The following SNX16 variants were observed in gnomAD, a reference collection of about 807,000 sequenced individuals.
SNX16 encodes sorting nexin 16.
Under a neutral mutation model 36.7 loss-of-function variants are expected in SNX16, and 35 were observed. The observed-to-expected ratio is 0.95, with a 90% CI of 0.73 to 1.27. The LOEUF (loss-of-function observed/expected upper bound fraction) is 1.27. SNX16 is among the 50% of genes most tolerant of loss of function. SNX16 has a pLI of 0.00. For synonymous variants in SNX16, 134 were observed against 132.0 expected (o/e 1.02, Z -0.10); for missense variants, 367 against 393.6 (o/e 0.93, Z 0.57).
chr8:81,822,955 T>TAG (rs1286474808), intron 4 of SNX16, among the ~76,000 whole-genome samples: 14 of 74,964 alleles, frequency 1.9e-4, no homozygotes, highest in African/African-American at 7.6e-4. Context: ...TACATATATA[T>TAG]ATATATATAT....
At chr8:81,805,461 GA>G (rs1403911554) in intron 5 of SNX16, among the ~76,000 whole-genome samples, 4 of 152,050 alleles carry the variant, frequency 2.6e-5, no homozygotes, top group African/African-American at 9.7e-5. Context: ...TAAGAGACAG[GA>G]AAAGAATTTA....
chr8:81,828,514 C>T (rs1811108992), intron 3 of SNX16, among the ~76,000 whole-genome samples: 1 of 152,086 alleles, frequency 6.6e-6, no homozygotes. Flanking sequence ...TCTTAATACA[C>T]TGAGGTTTAT....
Position 81,823,848 on chromosome 8 carries a change from T to C in SNX16, c.555A>G (p.Gln185=). Residue 185 remains glutamine, a synonymous_variant, in exon 4 of 8, where the codon CAA becomes CAG. Transcript: ENST00000345957. ...NYNADFLEDR[Q]LGLQAFLQNL... ...TTTGAAGAAACGCTTGTAATCCTAATTGTCTGTCTTCTAAAAAGTCAGCAT... is the reference window on the plus strand; with the variant it reads ...TTTGAAGAAACGCTTGTAATCCTAACTGTCTGTCTTCTAAAAAGTCAGCAT... The C allele has an allele frequency of 5.0e-6, 8 of 1,612,268 alleles. No homozygotes were observed. The highest frequency in any genetic ancestry group is 6.8e-6 in the Non-Finnish European group (8 of 1,179,056).
At chr8:81,831,288 G>C (rs1413084156) in intron 2 of SNX16, among the ~76,000 whole-genome samples, 1 of 152,114 alleles carries the variant, frequency 6.6e-6, no homozygotes, top group East Asian at 1.9e-4. Flanking sequence ...TAAAGTTTCT[G>C]CACAGCAAAA....
chr8:81,812,948 T>C (rs1810328235), intron 5 of SNX16, among the ~76,000 whole-genome samples: 1 of 151,800 alleles, frequency 6.6e-6, no homozygotes, highest in Non-Finnish European at 1.5e-5. Context: ...TAGCAGTCAC[T>C]GAAAAATAAG....
intron 5 of SNX16, among the ~76,000 whole-genome samples, chr8:81,806,688 C>T (rs989655862): frequency 1.3e-5 from 2 of 151,732 alleles, no homozygotes; most frequent in African/African-American, 2.4e-5. Flanking sequence ...CAAAATAATA[C>T]AGAAAAATGA....
rs374052860 is a variant in SNX16 at position 81,803,211 on chromosome 8, T to C, written c.699A>G (p.Leu233=). The C allele has an allele frequency of 1.1e-5, 18 of 1,603,254 alleles. No individual in the cohort carries two copies. The highest frequency in any genetic ancestry group is 1.5e-5 in the Non-Finnish European group (18 of 1,176,726). ...LEESRAFCET[L]EETNYRLQKE... Reference sequence around the variant, plus strand: ...TCTGTAAGCGGTAGTTTGTCTCTTCTAAAGTTTCACAGAATGCCTTAAAAA... The same window carrying C: ...TCTGTAAGCGGTAGTTTGTCTCTTCCAAAGTTTCACAGAATGCCTTAAAAA... The change falls in exon 6 of 8, where the codon TTA becomes TTG. Residue 233 remains leucine (L), a synonymous_variant. Transcript: ENST00000345957.
At position 81,802,401 on chromosome 8, in the gene SNX16, T is replaced by C. The variant is rs757259355; in HGVS notation, c.917A>G (p.Asp306Gly). The C allele has an allele frequency of 2.5e-6, 4 of 1,606,978 alleles. No individual in the cohort carries two copies. Among genetic ancestry groups the C allele is most frequent in the Non-Finnish European group, 3.4e-6 (4 of 1,176,666 alleles). The change falls in exon 7 of 8, where the codon GAT (aspartate) becomes GGT (glycine). Residue 306 changes from aspartate to glycine, a missense_variant. Asp to Gly is a moderately conservative substitution (Grantham distance 94). Coordinates refer to ENST00000345957, the MANE Select transcript of SNX16 (RefSeq NM_152836.3). ...VESSALEVDQ[D>G]VLDEESRADN... ...ATACCTAGATTCTTCATCCAGGACA[T>C]CTTGATCAACCTCAAGTGCAGAGGA...
At chr8:81,838,251 G>A (rs1811581562) in intron 2 of SNX16, among the ~76,000 whole-genome samples, 1 of 152,088 alleles carries the variant, frequency 6.6e-6, no homozygotes, top group Non-Finnish European at 1.5e-5. Context: ...AATGGATTAG[G>A]TTCATAGATT....
chr8:81,814,261 T>C (rs1240973121), intron 5 of SNX16, among the ~76,000 whole-genome samples: 2 of 152,030 alleles, frequency 1.3e-5, no homozygotes, highest in Non-Finnish European at 2.9e-5. Flanking sequence ...GAGGATAACA[T>C]GGAATACCCT....
At chr8:81,805,300 A>T (rs928737450) in intron 5 of SNX16, among the ~76,000 whole-genome samples, 4 of 152,192 alleles carry the variant, frequency 2.6e-5, no homozygotes, top group African/African-American at 9.6e-5. Context: ...AATAGGAACA[A>T]TATAAAATAT....
chr8:81,827,424 A>G (rs80350422), intron 3 of SNX16, among the ~76,000 whole-genome samples: 1,570 of 152,278 alleles, frequency 0.01, 27 homozygotes, highest in African/African-American at 0.036. Flanking sequence ...CCACTTAACT[A>G]TCAGGTAACT....
chr8:81,814,828 T>G (rs953181654), intron 5 of SNX16: 2 of 152,172 alleles, frequency 1.3e-5, no homozygotes, highest in Admixed American at 1.3e-4. Context: ...TTACCAAATC[T>G]GTTTTGTGAA....
In SNX16 at chr8:81,823,774, T is replaced by G. The variant is rs1205660457; in HGVS notation, c.611+18A>C. ...ATTGGAATGCTTTTATAATCTCTTA[T>G]TTCAATTCGTTACATACCAGTTAGC... On this transcript the variant is annotated intron_variant, in intron 4 of 7. Transcript: ENST00000345957. 1.9e-6 allele frequency: 3 copies of G among 1,571,724 alleles called. No individual in the cohort carries two copies. Among genetic ancestry groups the G allele is most frequent in the Non-Finnish European group, 2.6e-6 (3 of 1,161,840 alleles).
intron 2 of SNX16, among the ~76,000 whole-genome samples, chr8:81,834,168 G>A (rs992548561): frequency 6.6e-6 from 1 of 152,146 alleles, no homozygotes; most frequent in East Asian, 1.9e-4. Context: ...ATCTCACATG[G>A]CAGCAGACAA....
chr8:81,818,149 T>C (rs1345879622), intron 4 of SNX16, among the ~76,000 whole-genome samples: 3 of 152,126 alleles, frequency 2.0e-5, no homozygotes, highest in African/African-American at 7.2e-5. Flanking sequence ...GCAAATTTTA[T>C]AACTATCTGT....
intron 2 of SNX16, among the ~76,000 whole-genome samples, chr8:81,831,229 CA>C (rs1162680587): frequency 6.6e-6 from 1 of 152,106 alleles, no homozygotes; most frequent in Admixed American, 6.5e-5. Flanking sequence ...ACTAAGTTCT[CA>C]AAAGCAACTG....
At chr8:81,839,336 T>C (rs1811632887) in intron 2 of SNX16, among the ~76,000 whole-genome samples, 1 of 152,186 alleles carries the variant, frequency 6.6e-6, no homozygotes, top group Admixed American at 6.5e-5. Context: ...GGGTCCTGAC[T>C]GGCAGAGAAC....
chr8:81,801,365 T>C lies in SNX16; in HGVS notation c.*132A>G, dbSNP rs1236283377. Reference sequence around the variant, plus strand: ...TCAATAACTTAAAAAAACTTCTTTATGTAAACTTTATACATGTGCATTCTT... The same window carrying C: ...TCAATAACTTAAAAAAACTTCTTTACGTAAACTTTATACATGTGCATTCTT... On this transcript the variant is annotated 3_prime_UTR_variant, in exon 8 of 8. Transcript: ENST00000345957. 1.1e-5 allele frequency: 5 copies of C among 462,056 alleles called. No homozygotes were observed. The East Asian group carries it at 1.7e-4, about 15-fold the overall frequency. The allele number at this position is 462,056 out of a possible 1,614,324, so 28.6% of individuals were successfully genotyped here. A position where few individuals can be genotyped will look rare whatever the true frequency, so the allele number is the denominator to read the frequency against.
Sources: gnomAD v4.1 joint callset for allele counts (sites outside exome capture counted in the v4.1 genomes callset) on GRCh38, gnomAD v4.1.1 for gene constraint, MANE v1.5 for transcripts, NCBI Gene and HGNC (gene_info 2026-07-23, HGNC 2026-07-21) for gene names.